WWC2: variants seen among roughly 807,000 people sequenced by gnomAD.
WWC2 encodes protein WWC2.
Under a neutral mutation model 138.5 loss-of-function variants are expected in WWC2, and 101 were observed. The ratio of observed to expected loss-of-function variants is 0.73; its 90% CI spans 0.62 to 0.86. The LOEUF (loss-of-function observed/expected upper bound fraction) is 0.86. Among genes scored for constraint, WWC2 ranks in the 40% least tolerant of loss-of-function variants. WWC2 has a pLI of 0.00. For synonymous variants in WWC2, 558 were observed against 538.4 expected (o/e 1.04, Z -0.50); for missense variants, 1,420 against 1,419.4 (o/e 1.00, Z -0.01).
intron 1 of WWC2, among the ~76,000 whole-genome samples, chr4:183,189,329 C>T (rs963332482): frequency 3.3e-5 from 5 of 151,430 alleles, no homozygotes; most frequent in Admixed American, 6.6e-5. Context: ...CCCAGCTACT[C>T]GAGAGGCTGA....
chr4:183,145,827 T>G (rs879502701), intron 1 of WWC2, among the ~76,000 whole-genome samples: 1 of 152,220 alleles, frequency 6.6e-6, no homozygotes, highest in Non-Finnish European at 1.5e-5. Context: ...TTATGTATCA[T>G]GAAATCTTCT....
chr4:183,256,894 C>A (rs997890266), intron 9 of WWC2, among the ~76,000 whole-genome samples: 19 of 106,368 alleles, frequency 1.8e-4, no homozygotes, highest in East Asian at 7.0e-4. Context: ...GCCCCCCCCC[C>A]CCCCCCCCCG....
chr4:183,115,325 A>C (rs754786050), intron 1 of WWC2, among the ~76,000 whole-genome samples: 1 of 152,188 alleles, frequency 6.6e-6, no homozygotes, highest in Non-Finnish European at 1.5e-5. Flanking sequence ...TTAGTGCTGC[A>C]GTGAACATAA....
At chr4:183,198,381 T>C (rs1014618074) in intron 2 of WWC2, among the ~76,000 whole-genome samples, 1 of 152,104 alleles carries the variant, frequency 6.6e-6, no homozygotes, top group Non-Finnish European at 1.5e-5. Flanking sequence ...TATACACAGT[T>C]TCTTAAAATT....
chr4:183,197,702 AT>A (rs1422619518), intron 2 of WWC2, among the ~76,000 whole-genome samples: 4 of 152,196 alleles, frequency 2.6e-5, no homozygotes, highest in Non-Finnish European at 5.9e-5. Context: ...CCAGAAGTAA[AT>A]CACTTTTTGG....
At chr4:183,223,476 A>G (rs577322935) in intron 4 of WWC2, among the ~76,000 whole-genome samples, 1 of 152,234 alleles carries the variant, frequency 6.6e-6, no homozygotes, top group Admixed American at 6.5e-5. Flanking sequence ...AACTTGAAAT[A>G]GTGTATCATT....
At chr4:183,156,349 T>G in intron 1 of WWC2, among the ~76,000 whole-genome samples, 1 of 148,606 alleles carries the variant, frequency 6.7e-6, no homozygotes, top group South Asian at 2.2e-4. Flanking sequence ...TTTTTTTTTT[T>G]TTTTGAGACG....
At chr4:183,166,458 G>A (rs957492783) in intron 1 of WWC2, among the ~76,000 whole-genome samples, 4 of 152,182 alleles carry the variant, frequency 2.6e-5, no homozygotes, top group African/African-American at 9.7e-5. Context: ...GTGAGCCATA[G>A]TGTTTTGTAA....
intron 21 of WWC2, 101 bp from the exon 22 acceptor site, chr4:183,312,240 C>T: frequency 7.2e-6 from 11 of 1,527,786 alleles, no homozygotes; most frequent in Non-Finnish European, 8.0e-6. Context: ...CTTGCTTGCC[C>T]TCCTGACTTT....
chr4:183,289,781 T>A, intron 21 of WWC2, 146 bp downstream of exon 21: 1 of 1,302,494 alleles, frequency 7.7e-7, no homozygotes, highest in East Asian at 2.6e-5. Context: ...TTCCCACTGT[T>A]ATAGGCCCTT....
At chr4:183,246,973 C>A (rs1451516080) in intron 6 of WWC2, among the ~76,000 whole-genome samples, 2 of 152,134 alleles carry the variant, frequency 1.3e-5, no homozygotes, top group African/African-American at 4.8e-5. Flanking sequence ...TTGGATTCAT[C>A]TGCAGGCCTG....
intron 8 of WWC2, among the ~76,000 whole-genome samples, chr4:183,250,444 G>C (rs1736942750): frequency 6.6e-6 from 1 of 152,130 alleles, no homozygotes; most frequent in African/African-American, 2.4e-5. Flanking sequence ...GTCCTTGAAG[G>C]TGCTGAGGTG....
rs1231500701 is a variant in WWC2, at chr4:183,164,506, A to ATTCCT, written c.132-29091_132-29090insCCTTT. ...AGTTGATCTTCAAAAGGCAGAGAAA[A>ATTCCT]TTAGAACTAAGGAATTCCTACCTTT... is the stretch of plus-strand genomic sequence containing the variant. On this transcript the variant is annotated intron_variant, in intron 1 of 22. Coordinates refer to ENST00000403733, the MANE Select transcript of WWC2 (RefSeq NM_024949.6). 1.3e-4 allele frequency among the ~76,000 whole-genome samples: 20 copies of ATTCCT among 150,976 alleles called. No individual in the cohort carries two copies. The East Asian group carries it at 3.7e-3, about 28-fold the overall frequency.
chr4:183,104,737 T>C (rs749915616), intron 1 of WWC2, among the ~76,000 whole-genome samples: 1 of 152,126 alleles, frequency 6.6e-6, no homozygotes, highest in Non-Finnish European at 1.5e-5. Flanking sequence ...CCAAAAGAAA[T>C]ATTCTTTTTA....
intron 1 of WWC2, among the ~76,000 whole-genome samples, chr4:183,184,642 G>C (rs1734739766): frequency 6.6e-6 from 1 of 152,180 alleles, no homozygotes; most frequent in Non-Finnish European, 1.5e-5. Context: ...CAATACTCGT[G>C]TCTTTTGTGT....
intron 4 of WWC2, among the ~76,000 whole-genome samples, chr4:183,230,721 G>C (rs145929231): frequency 6.6e-6 from 1 of 151,714 alleles, no homozygotes; most frequent in African/African-American, 2.4e-5. Flanking sequence ...TAATAGAAAG[G>C]ATCAACAAAA....
chr4:183,308,870 A>G (rs1739111407), intron 21 of WWC2, among the ~76,000 whole-genome samples: 1 of 152,118 alleles, frequency 6.6e-6, no homozygotes, highest in Admixed American at 6.5e-5. Context: ...TTTCCCAAAT[A>G]TTTTCTATTC....
At chr4:183,153,388 T>C (rs558141345) in intron 1 of WWC2, among the ~76,000 whole-genome samples, 1 of 152,310 alleles carries the variant, frequency 6.6e-6, no homozygotes, top group South Asian at 2.1e-4. Flanking sequence ...GGTAAAGGAA[T>C]GTGAAGACTG....
intron 1 of WWC2, among the ~76,000 whole-genome samples, chr4:183,181,427 T>C (rs531770929): frequency 3.3e-5 from 5 of 152,326 alleles, no homozygotes; most frequent in African/African-American, 1.2e-4. Flanking sequence ...TTGCTTGATA[T>C]CTACGGTAGA....
Sources: allele counts gnomAD v4.1 joint callset (sites outside exome capture counted in the v4.1 genomes callset), GRCh38; gene constraint gnomAD v4.1.1; transcripts MANE v1.5; gene names NCBI Gene and HGNC (gene_info 2026-07-23, HGNC 2026-07-21).